The following OPA3 variants were observed in gnomAD, a reference collection of about 807,000 sequenced individuals.
OPA3 encodes optic atrophy 3 protein.
In OPA3, 6 loss-of-function variants were observed where a neutral mutation model predicts 4.0. That is an observed-to-expected ratio of 1.51 (90% CI 0.83 to 2.99). The LOEUF (loss-of-function observed/expected upper bound fraction) is 2.99, where lower values mean the gene tolerates loss of function less well. Among genes scored for constraint, OPA3 ranks in the 30% most tolerant of loss-of-function variants. OPA3 has a pLI of 0.00. For synonymous variants in OPA3, 105 were observed against 117.1 expected (o/e 0.90, Z 0.67); for missense variants, 235 against 256.2 (o/e 0.92, Z 0.56).
intron 1 of OPA3, among the ~76,000 whole-genome samples, chr19:45,578,230 C>T (rs555583340): frequency 6.6e-6 from 1 of 152,250 alleles, no homozygotes; most frequent in South Asian, 2.1e-4. Context: ...TAACATTAGC[C>T]ACAAGATTAG....
intron 1 of OPA3, among the ~76,000 whole-genome samples, chr19:45,532,934 C>G (rs1240649522): frequency 6.6e-6 from 1 of 152,070 alleles, no homozygotes; most frequent in Non-Finnish European, 1.5e-5. Flanking sequence ...TCTTCTCCCC[C>G]AGGCTGGAGT....
At chr19:45,558,059 C>T (rs142957254) in intron 1 of OPA3, among the ~76,000 whole-genome samples, 22 of 152,272 alleles carry the variant, frequency 1.4e-4, no homozygotes, top group East Asian at 1.9e-4. Context: ...ACTGGCTGGG[C>T]GCGGTAGCTC....
At position 45,578,684 on chromosome 19, in the gene OPA3, G is replaced by T. The variant is rs188518461; in HGVS notation, c.142+5939C>A. ...CTCTACTTAAAATACAAAATTAGCCGGGCGTGGTGGCGCATGCCTGTAATC... is the reference window on the plus strand; with the variant it reads ...CTCTACTTAAAATACAAAATTAGCCTGGCGTGGTGGCGCATGCCTGTAATC... On this transcript the variant is annotated intron_variant, in intron 1 of 1. Coordinates refer to ENST00000263275, the MANE Select transcript of OPA3 (RefSeq NM_025136.4). Among the ~76,000 whole-genome samples the T allele has an allele frequency of 2.6e-4, 40 of 151,794 alleles. 1 individual carries two copies. In the East Asian group the frequency reaches 6.6e-3, roughly 25 times the overall value.
At position 45,549,482 on chromosome 19, in the gene OPA3, CCT is replaced by C. The variant is rs1275311067; in HGVS notation, c.*4030_*4031del. On this transcript the variant is annotated 3_prime_UTR_variant, in exon 2 of 2. Coordinates refer to ENST00000263275, the MANE Select transcript of OPA3 (RefSeq NM_025136.4). ...GCTCCTGCCTGTGTTCACACTCCCA[CCT>C]CTGTTTTTTTTTTTTGAGTTGAGTC... 8 of 985,056 alleles carry C rather than the reference CCT, an allele frequency of 8.1e-6. No homozygotes were observed. The highest frequency in any genetic ancestry group is 9.6e-6 in the Non-Finnish European group (8 of 829,996). The allele number at this position is 985,056 out of a possible 1,614,324, so 61.0% of individuals were successfully genotyped here.
At chr19:45,539,727 C>G (rs1353383567) in intron 1 of OPA3, among the ~76,000 whole-genome samples, 5 of 150,902 alleles carry the variant, frequency 3.3e-5, no homozygotes, top group African/African-American at 1.2e-4. Flanking sequence ...GCACTCCAGC[C>G]TGGGCGACAG....
intron 1 of OPA3, among the ~76,000 whole-genome samples, chr19:45,564,976 C>T (rs538657021): frequency 6.6e-6 from 1 of 152,248 alleles, no homozygotes; most frequent in Non-Finnish European, 1.5e-5. Context: ...CCTGTAATCC[C>T]AGCACTTCGG....
intron 1 of OPA3, among the ~76,000 whole-genome samples, chr19:45,555,628 C>T (rs113098592): frequency 4.6e-5 from 7 of 152,200 alleles, no homozygotes; most frequent in African/African-American, 1.7e-4. Context: ...GTAGCTGGGA[C>T]TACAGGCGCC....
In OPA3 at chr19:45,549,700, G is replaced by A. The variant is rs191869562; in HGVS notation, c.*3814C>T. The A allele has an allele frequency of 2.9e-4, 276 of 956,310 alleles. No homozygotes were observed. In the African/African-American group the frequency reaches 4.2e-3, roughly 15 times the overall value. 59.2% of individuals were successfully genotyped at this position (956,310 alleles called of 1,614,324 possible). On this transcript the variant is annotated 3_prime_UTR_variant, in exon 2 of 2. Transcript: ENST00000263275. Reference sequence around the variant, plus strand: ...TTGCCATGTTGGCCAGGCTGGTCTCGATCTCCTAACATCATGTGATCAGTC... The same window carrying A: ...TTGCCATGTTGGCCAGGCTGGTCTCAATCTCCTAACATCATGTGATCAGTC...
intron 1 of OPA3, among the ~76,000 whole-genome samples, chr19:45,537,086 C>G (rs1027781388): frequency 5.9e-5 from 9 of 152,022 alleles, no homozygotes; most frequent in African/African-American, 2.2e-4. Context: ...AAAATTAGCC[C>G]GGTATGCTGG....
In OPA3 at chr19:45,548,846, C is replaced by G; in HGVS notation, c.*4668G>C. On this transcript the variant is annotated 3_prime_UTR_variant, in exon 2 of 2. Transcript: ENST00000263275. ...AGAGATGAAGTCTCGCTCTGTCACC[C>G]AGGCTGGAGTATAATGGCATGATCT... 1.6e-6 allele frequency: 1 copy of G among 622,302 alleles called. No homozygotes were observed. The highest frequency in any genetic ancestry group is 2.0e-6 in the Non-Finnish European group (1 of 499,066). 38.5% of individuals were successfully genotyped at this position (622,302 alleles called of 1,614,324 possible). A position where few individuals can be genotyped will look rare whatever the true frequency, so the allele number is the denominator to read the frequency against.
At chr19:45,538,368 C>T (rs1490792204) in intron 1 of OPA3, among the ~76,000 whole-genome samples, 1 of 152,186 alleles carries the variant, frequency 6.6e-6, no homozygotes, top group Middle Eastern at 3.4e-3. Context: ...CTGCAGTGAG[C>T]TGTGATTGCA....
At chr19:45,531,354 T>G (rs1405305761) in intron 1 of OPA3, among the ~76,000 whole-genome samples, 1 of 152,212 alleles carries the variant, frequency 6.6e-6, no homozygotes. Flanking sequence ...GTATGAAGGT[T>G]TTAGTTTTTC....
intron 1 of OPA3, among the ~76,000 whole-genome samples, chr19:45,576,543 C>A (rs370123228): frequency 1.2e-5 from 1 of 82,670 alleles, no homozygotes; most frequent in African/African-American, 5.9e-5. Flanking sequence ...CATCCCCCCC[C>A]CCCCAAAAAA....
At chr19:45,570,960 G>T (rs1278532515) in intron 1 of OPA3, among the ~76,000 whole-genome samples, 1 of 115,148 alleles carries the variant, frequency 8.7e-6, no homozygotes, top group Non-Finnish European at 1.7e-5. Flanking sequence ...AAATGTTTTC[G>T]GTGACAGCAA....
chr19:45,548,346 A>T lies in OPA3; in HGVS notation c.*5168T>A. ...AATGGCCTGCCCTACAGAGAAACCAACAAGAGGGACAGCAGGGCCTGCCAG... is the reference window on the plus strand; with the variant it reads ...AATGGCCTGCCCTACAGAGAAACCATCAAGAGGGACAGCAGGGCCTGCCAG... On this transcript the variant is annotated 3_prime_UTR_variant, in exon 2 of 2. Transcript: ENST00000263275. 1 of 985,488 alleles carries T rather than the reference A, an allele frequency of 1.0e-6. No individual in the cohort carries two copies. Among genetic ancestry groups the T allele is most frequent in the Non-Finnish European group, 1.2e-6 (1 of 829,982 alleles). The allele number at this position is 985,488 out of a possible 1,614,324, so 61.0% of individuals were successfully genotyped here.
At chr19:45,568,442 G>A (rs370443993) in intron 1 of OPA3, among the ~76,000 whole-genome samples, 1 of 151,934 alleles carries the variant, frequency 6.6e-6, no homozygotes, top group Non-Finnish European at 1.5e-5. Flanking sequence ...CGCCCACCTC[G>A]GCCTCCCAAA....
chr19:45,568,342 A>C (rs1969612952), intron 1 of OPA3, among the ~76,000 whole-genome samples: 1 of 151,926 alleles, frequency 6.6e-6, no homozygotes, highest in South Asian at 2.1e-4. Context: ...GGCATGCCCC[A>C]CCACATCTGG....
chr19:45,561,576 T>C (rs569193569), intron 1 of OPA3, among the ~76,000 whole-genome samples: 1 of 152,170 alleles, frequency 6.6e-6, no homozygotes, highest in African/African-American at 2.4e-5. Context: ...TAACCGGAAC[T>C]GTATACTAGG....
intron 1 of OPA3, among the ~76,000 whole-genome samples, chr19:45,533,996 T>C (rs140223509): frequency 6.6e-6 from 1 of 152,364 alleles, no homozygotes; most frequent in East Asian, 1.9e-4. Context: ...ACACACCTTT[T>C]GGCATAGAAT....
Sources: gnomAD v4.1 joint callset for allele counts (sites outside exome capture counted in the v4.1 genomes callset) on GRCh38, gnomAD v4.1.1 for gene constraint, MANE v1.5 for transcripts, NCBI Gene and HGNC (gene_info 2026-07-23, HGNC 2026-07-21) for gene names.